The following ASTN1 variants were observed in gnomAD, a reference collection of about 807,000 sequenced individuals.
ASTN1 encodes the protein astrotactin-1.
A neutral mutation model predicts 140.7 loss-of-function variants in ASTN1; 41 were observed. The observed-to-expected ratio is 0.29, with a 90% CI of 0.23 to 0.38. ASTN1 has a LOEUF of 0.38. Among genes scored for constraint, ASTN1 ranks in the 10% least tolerant of loss-of-function variants. The pLI is 1.00. For missense variants in ASTN1, 1,479 were observed against 1,678.8 expected (o/e 0.88, Z 2.08); for synonymous variants, 640 against 652.2 (o/e 0.98, Z 0.29).
intron 8 of ASTN1, among the ~76,000 whole-genome samples, chr1:176,966,946 C>A (rs865932473): frequency 1.3e-5 from 2 of 151,850 alleles, no homozygotes; most frequent in African/African-American, 4.8e-5. Flanking sequence ...TTTATTTACA[C>A]ATAATAAAAG....
chr1:177,014,654 T>C, intron 8 of ASTN1, 137 bp downstream of exon 8: 1 of 703,036 alleles, frequency 1.4e-6, no homozygotes. Context: ...AAAGGCATAG[T>C]GACATTTTTA....
intron 1 of ASTN1, among the ~76,000 whole-genome samples, chr1:177,070,573 A>G (rs1678588067): frequency 2.9e-5 from 1 of 34,872 alleles, no homozygotes; most frequent in Non-Finnish European, 5.4e-5. Context: ...ATTCAACTCA[A>G]CAAGTAATAA....
At chr1:176,956,754 G>T (rs1489646406) in intron 11 of ASTN1, among the ~76,000 whole-genome samples, 3 of 152,186 alleles carry the variant, frequency 2.0e-5, no homozygotes, top group East Asian at 1.9e-4. Flanking sequence ...ATGAGTATAA[G>T]AATGGCCCAC....
At chr1:177,063,831 C>A (rs1470439242) in intron 1 of ASTN1, among the ~76,000 whole-genome samples, 2 of 152,162 alleles carry the variant, frequency 1.3e-5, no homozygotes, top group Non-Finnish European at 2.9e-5. Context: ...CGTAACAGAG[C>A]ACCTGATGAC....
chr1:176,961,021 C>T (rs1397139882), intron 9 of ASTN1, among the ~76,000 whole-genome samples: 1 of 152,188 alleles, frequency 6.6e-6, no homozygotes, highest in Non-Finnish European at 1.5e-5. Context: ...GAAGAATGTG[C>T]TCTCTTGGAT....
intron 9 of ASTN1, among the ~76,000 whole-genome samples, chr1:176,960,438 G>A (rs1211318763): frequency 6.6e-6 from 1 of 152,220 alleles, no homozygotes; most frequent in Admixed American, 6.5e-5. Flanking sequence ...TACAATTTAT[G>A]TAACTGATTT....
intron 8 of ASTN1, among the ~76,000 whole-genome samples, chr1:177,008,461 AAG>A (rs1297817646): frequency 3.0e-5 from 4 of 134,634 alleles, no homozygotes; most frequent in Non-Finnish European, 4.8e-5. Context: ...GAGGGAGAGG[AAG>A]AGAGAGAGAG....
At chr1:177,117,718 C>G (rs902501272) in intron 1 of ASTN1, among the ~76,000 whole-genome samples, 1 of 152,202 alleles carries the variant, frequency 6.6e-6, no homozygotes, top group Non-Finnish European at 1.5e-5. Flanking sequence ...CCCTGGACCA[C>G]TCACCATTTC....
At chr1:177,057,311 A>C (rs533585009) in intron 2 of ASTN1, among the ~76,000 whole-genome samples, 2 of 152,364 alleles carry the variant, frequency 1.3e-5, no homozygotes, top group Admixed American at 6.5e-5. Context: ...TATACTGGGC[A>C]TGGTATAAAA....
At chr1:177,141,945 A>G (rs909597596) in intron 1 of ASTN1, among the ~76,000 whole-genome samples, 1 of 152,240 alleles carries the variant, frequency 6.6e-6, no homozygotes, top group African/African-American at 2.4e-5. Context: ...TTAGCAAGAC[A>G]TTACAGTCCA....
At chr1:176,989,522 T>G (rs1441249779) in intron 8 of ASTN1, among the ~76,000 whole-genome samples, 1 of 151,898 alleles carries the variant, frequency 6.6e-6, no homozygotes, top group South Asian at 2.1e-4. Context: ...TAGGGAAAAA[T>G]GATGTCAGCC....
chr1:177,121,956 T>C (rs227517), intron 1 of ASTN1, among the ~76,000 whole-genome samples: 44,252 of 151,882 alleles, frequency 0.29, 11,021 homozygotes, highest in African/African-American at 0.68. Context: ...TGCAAGAAAA[T>C]GAGAGGCCCT....
intron 7 of ASTN1, among the ~76,000 whole-genome samples, chr1:177,020,074 A>G (rs1034735331): frequency 2.0e-5 from 3 of 151,856 alleles, no homozygotes; most frequent in Non-Finnish European, 4.4e-5. Flanking sequence ...TTTATTAGAG[A>G]TGGGGTTTAT....
intron 2 of ASTN1, among the ~76,000 whole-genome samples, chr1:177,057,583 A>C (rs914666215): frequency 3.3e-5 from 5 of 152,212 alleles, no homozygotes; most frequent in African/African-American, 1.2e-4. Context: ...TTATTAGTTA[A>C]GCTTTTAATT....
intron 7 of ASTN1, 94 bp from the exon 8 acceptor site, chr1:177,014,969 A>AG: frequency 4.4e-6 from 5 of 1,149,418 alleles, no homozygotes; most frequent in African/African-American, 1.5e-5. Context: ...AGTCAGGGTA[A>AG]ACTCTTACTC....
intron 5 of ASTN1, among the ~76,000 whole-genome samples, chr1:177,028,766 C>T (rs1277453495): frequency 6.6e-6 from 1 of 152,184 alleles, no homozygotes; most frequent in Non-Finnish European, 1.5e-5. Context: ...CAAAAAGGCA[C>T]ATTTTAATAT....
rs1675891996 is a variant in ASTN1 at position 177,022,688 on chromosome 1, TC to T, written c.1438+715del. Among the ~76,000 whole-genome samples, 6 of 152,320 alleles carry T rather than the reference TC, an allele frequency of 3.9e-5. No homozygotes were observed. In the South Asian group the frequency reaches 1.2e-3, roughly 32 times the overall value. On this transcript the variant is annotated intron_variant, in intron 7 of 22. Coordinates refer to ENST00000361833, the MANE Select transcript of ASTN1 (RefSeq NM_004319.3). ...TCTGAAGAAAATAACTTCAAATGTG[TC>T]CAGCATTTATGTGTAAAGATGTTCA...
At chr1:176,879,698 T>C (rs766580128) in intron 20 of ASTN1, among the ~76,000 whole-genome samples, 3 of 152,224 alleles carry the variant, frequency 2.0e-5, no homozygotes, top group Non-Finnish European at 4.4e-5. Context: ...ATTACCCCAA[T>C]GGGGCAATCA....
intron 1 of ASTN1, among the ~76,000 whole-genome samples, chr1:177,076,529 T>C (rs1030985804): frequency 6.6e-6 from 1 of 151,070 alleles, no homozygotes; most frequent in Non-Finnish European, 1.5e-5. Context: ...CTTTTCTTTT[T>C]TTTTTTTTAT....
Sources: gnomAD v4.1 joint callset for allele counts (sites outside exome capture counted in the v4.1 genomes callset) on GRCh38, gnomAD v4.1.1 for gene constraint, MANE v1.5 for transcripts, NCBI Gene and HGNC (gene_info 2026-07-23, HGNC 2026-07-21) for gene names.